Variants in CNTN6 observed in about 807,000 individuals in gnomAD.
CNTN6 encodes the protein contactin-6.
A neutral mutation model predicts 122.8 loss-of-function variants in CNTN6; 137 were observed. The observed-to-expected ratio is 1.12, with a 90% CI of 0.97 to 1.29. The LOEUF is 1.29. CNTN6 is among the 50% of genes most tolerant of loss of function. The probability of loss-of-function intolerance (pLI) is 0.00; values close to 1 mark genes in which losing one functional copy is unlikely to be tolerated. For missense variants in CNTN6, 1,634 were observed against 1,223.4 expected (o/e 1.34, Z -5.01); for synonymous variants, 570 against 426.0 (o/e 1.34, Z -4.16).
intron 4 of CNTN6, among the ~76,000 whole-genome samples, chr3:1,241,948 G>T (rs61406297): frequency 3.9e-5 from 6 of 152,202 alleles, no homozygotes; most frequent in Non-Finnish European, 5.9e-5. Context: ...GGACAGAAAG[G>T]CTACAGGGTG....
intron 11 of CNTN6, among the ~76,000 whole-genome samples, chr3:1,331,913 GTTTTA>G (rs781176857): frequency 1.7e-4 from 26 of 151,468 alleles, no homozygotes; most frequent in African/African-American, 6.0e-4. Context: ...TCAGGTTTTT[GTTTTA>G]TTTTGTTTTG....
At chr3:1,188,843 A>C (rs190885781) in intron 2 of CNTN6, among the ~76,000 whole-genome samples, 12 of 152,144 alleles carry the variant, frequency 7.9e-5, no homozygotes, top group Non-Finnish European at 1.8e-4. Flanking sequence ...CTTCCAATTC[A>C]GTTTTCTTTA....
At chr3:1,121,720 T>C (rs146483954) in intron 1 of CNTN6, among the ~76,000 whole-genome samples, 1 of 152,088 alleles carries the variant, frequency 6.6e-6, no homozygotes, top group African/African-American at 2.4e-5. Context: ...ATTTATCCAT[T>C]TTAATGACTA....
Position 1,098,787 on chromosome 3 carries a change from C to CATATATATAT in CNTN6, c.-83+5668_-83+5669insTATATATATA, listed in dbSNP as rs1241583874. ...ACACACACACACACACACACACACA[C>CATATATATAT]ACATATATATATATATATATATATA... On this transcript the variant is annotated intron_variant, in intron 1 of 22. Coordinates refer to ENST00000446702, the MANE Select transcript of CNTN6 (RefSeq NM_001289080.2). 7.6e-3 allele frequency among the ~76,000 whole-genome samples: 421 copies of CATATATATAT among 55,466 alleles called. 1 individual carries two copies. Among genetic ancestry groups the CATATATATAT allele is most frequent in the East Asian group, 0.025 (40 of 1,624 alleles). The allele number at this position is 55,466 out of a possible 152,430, so 36.4% of individuals were successfully genotyped here.
chr3:1,110,706 C>A (rs1390537341), intron 1 of CNTN6, among the ~76,000 whole-genome samples: 1 of 151,982 alleles, frequency 6.6e-6, no homozygotes, highest in Non-Finnish European at 1.5e-5. Flanking sequence ...ATATGAGGAG[C>A]AGGTTTGACA....
At chr3:1,170,080 C>CA (rs2093332006) in intron 2 of CNTN6, among the ~76,000 whole-genome samples, 1 of 151,438 alleles carries the variant, frequency 6.6e-6, no homozygotes. Context: ...ACCAAAAATA[C>CA]AAAAAAATTA....
At chr3:1,266,752 C>G (rs932607503) in intron 4 of CNTN6, among the ~76,000 whole-genome samples, 6 of 152,122 alleles carry the variant, frequency 3.9e-5, no homozygotes, top group East Asian at 3.9e-4. Context: ...CTCCTTTACT[C>G]TAATGAGAGT....
chr3:1,104,573 C>T (rs997442312), intron 1 of CNTN6, among the ~76,000 whole-genome samples: 5 of 151,942 alleles, frequency 3.3e-5, no homozygotes, highest in African/African-American at 7.3e-5. Flanking sequence ...TAAATTAGTA[C>T]GTATATAACA....
chr3:1,290,228 T>G (rs1185895021), intron 5 of CNTN6, among the ~76,000 whole-genome samples: 1 of 152,230 alleles, frequency 6.6e-6, no homozygotes. Flanking sequence ...TTATATCTGT[T>G]CTACTCCCTG....
At chr3:1,398,863 G>A (rs769624207) in intron 20 of CNTN6, among the ~76,000 whole-genome samples, 27 of 151,990 alleles carry the variant, frequency 1.8e-4, no homozygotes, top group Non-Finnish European at 3.1e-4. Flanking sequence ...TCATACCAAG[G>A]TACTCACTCC....
At chr3:1,223,553 ATGG>A (rs2094237799) in intron 3 of CNTN6, among the ~76,000 whole-genome samples, 1 of 152,238 alleles carries the variant, frequency 6.6e-6, no homozygotes, top group Non-Finnish European at 1.5e-5. Flanking sequence ...CTACCCAAAG[ATGG>A]TGCTTTGGAA....
At chr3:1,181,026 C>T (rs1411604407) in intron 2 of CNTN6, among the ~76,000 whole-genome samples, 1 of 151,894 alleles carries the variant, frequency 6.6e-6, no homozygotes, top group Admixed American at 6.6e-5. Flanking sequence ...ATTATGACTG[C>T]TTACACTGTT....
intron 12 of CNTN6, among the ~76,000 whole-genome samples, chr3:1,360,980 G>A (rs1261295258): frequency 6.6e-6 from 1 of 151,914 alleles, no homozygotes; most frequent in Non-Finnish European, 1.5e-5. Context: ...TCAGCTTCAA[G>A]GTACATACAG....
At chr3:1,128,122 T>A (rs2092227844) in intron 1 of CNTN6, 1 of 152,014 alleles carries the variant, frequency 6.6e-6, no homozygotes, top group Non-Finnish European at 1.5e-5. Flanking sequence ...TGTTGAATTA[T>A]AGAGACAGTT....
At chr3:1,101,233 A>C (rs1360809419) in intron 1 of CNTN6, among the ~76,000 whole-genome samples, 1 of 152,118 alleles carries the variant, frequency 6.6e-6, no homozygotes, top group East Asian at 1.9e-4. Flanking sequence ...CAGATCACCA[A>C]GTTTCCATAA....
intron 2 of CNTN6, among the ~76,000 whole-genome samples, chr3:1,148,682 A>G (rs1249665098): frequency 6.6e-6 from 1 of 152,210 alleles, no homozygotes; most frequent in East Asian, 1.9e-4. Context: ...AGCCACGCCA[A>G]ATGTGAGTGT....
At chr3:1,300,952 C>T (rs1449533675) in intron 7 of CNTN6, among the ~76,000 whole-genome samples, 2 of 151,318 alleles carry the variant, frequency 1.3e-5, no homozygotes, top group Non-Finnish European at 2.9e-5. Context: ...TCTATTAACT[C>T]CATGGTGATG....
intron 20 of CNTN6, among the ~76,000 whole-genome samples, chr3:1,387,974 G>C (rs367579438): frequency 2.6e-5 from 4 of 152,146 alleles, no homozygotes; most frequent in East Asian, 1.9e-4. Flanking sequence ...AGGCGGCAGC[G>C]AGGCTGGGGG....
chr3:1,296,678 A>G (rs1271972738), intron 6 of CNTN6, among the ~76,000 whole-genome samples: 2 of 152,188 alleles, frequency 1.3e-5, no homozygotes, highest in African/African-American at 4.8e-5. Context: ...AGTTCTTATA[A>G]TAGAGCTTTT....
Sources: gnomAD v4.1 joint callset for allele counts (sites outside exome capture counted in the v4.1 genomes callset) on GRCh38, gnomAD v4.1.1 for gene constraint, MANE v1.5 for transcripts, NCBI Gene and HGNC (gene_info 2026-07-23, HGNC 2026-07-21) for gene names.